Variants in SMYD4 observed in about 807,000 individuals in gnomAD.
SMYD4 encodes the protein protein-lysine N-methyltransferase SMYD4.
Under a neutral mutation model 72.8 loss-of-function variants are expected in SMYD4, and 68 were observed. That is an observed-to-expected ratio of 0.93 (90% CI 0.77 to 1.14). SMYD4 has a LOEUF of 1.14. Among genes scored for constraint, SMYD4 ranks in the 50% most tolerant of loss-of-function variants. The probability of loss-of-function intolerance (pLI) is 0.00; values close to 1 mark genes in which losing one functional copy is unlikely to be tolerated. For synonymous variants in SMYD4, 407 were observed against 388.6 expected, an observed-to-expected ratio of 1.05 and a Z score of -0.56; for missense variants, 984 against 1,003.7, an observed-to-expected ratio of 0.98 and a Z score of 0.27.
At chr17:1,799,482 G>A (rs111877466) in intron 5 of SMYD4, among the ~76,000 whole-genome samples, 26,846 of 150,784 alleles carry the variant, frequency 0.18, 2,468 homozygotes, top group Middle Eastern at 0.2. Flanking sequence ...TGATTCTCCT[G>A]TCTTAGCCTC....
At chr17:1,795,039 GT>G (rs1394176438) in intron 5 of SMYD4, among the ~76,000 whole-genome samples, 2 of 152,070 alleles carry the variant, frequency 1.3e-5, no homozygotes, top group Non-Finnish European at 2.9e-5. Flanking sequence ...TTTATCCAGG[GT>G]TTCTACATCT....
rs1423657456 is a variant in SMYD4, at chr17:1,779,801, C to T, written c.*1485G>A. 6.6e-6 allele frequency: 1 copy of T among 152,580 alleles called. No homozygotes were observed. Among genetic ancestry groups the T allele is most frequent in the East Asian group, 1.9e-4 (1 of 5,198 alleles). 9.5% of individuals were successfully genotyped at this position (152,580 alleles called of 1,614,324 possible). The stretch of plus-strand genomic sequence containing the variant: ...CGGTGTGTCTCTGGAGGTAAGCAGG[C>T]TTGCTGATTTCTTGTTTTATAATTC... On this transcript the variant is annotated 3_prime_UTR_variant, in exon 11 of 11. Coordinates refer to ENST00000305513, the MANE Select transcript of SMYD4 (RefSeq NM_052928.3).
intron 5 of SMYD4, among the ~76,000 whole-genome samples, chr17:1,795,405 C>CTGTATCTA (rs775843996): frequency 6.7e-6 from 1 of 148,830 alleles, no homozygotes; most frequent in Non-Finnish European, 1.5e-5. Context: ...ACGATCTCAG[C>CTGTATCTA]TCTATCTATC....
intron 4 of SMYD4, among the ~76,000 whole-genome samples, chr17:1,802,715 T>C (rs1027987643): frequency 6.6e-6 from 1 of 152,180 alleles, no homozygotes; most frequent in Non-Finnish European, 1.5e-5. Flanking sequence ...AGGGTATAAT[T>C]TGAATTTTTG....
At chr17:1,827,798 G>A in intron 2 of SMYD4, 63 bp downstream of exon 2, 1 of 1,557,782 alleles carries the variant, frequency 6.4e-7, no homozygotes, top group Non-Finnish European at 8.8e-7. Context: ...TTACTTCAGA[G>A]CAAATGACAA....
intron 5 of SMYD4, among the ~76,000 whole-genome samples, chr17:1,787,934 T>C (rs1007922247): frequency 3.3e-5 from 5 of 152,244 alleles, no homozygotes; most frequent in African/African-American, 1.2e-4. Context: ...AGTTTCATAA[T>C]GTTCTCACAT....
intron 2 of SMYD4, among the ~76,000 whole-genome samples, chr17:1,815,801 GC>G (rs1910563530): frequency 6.6e-6 from 1 of 151,690 alleles, no homozygotes; most frequent in Non-Finnish European, 1.5e-5. Flanking sequence ...CCGGGTTCAA[GC>G]GATTCTCCTG....
At chr17:1,795,141 A>G (rs1034022632) in intron 5 of SMYD4, among the ~76,000 whole-genome samples, 2 of 152,092 alleles carry the variant, frequency 1.3e-5, no homozygotes, top group African/African-American at 4.8e-5. Flanking sequence ...AGGCTGGAGC[A>G]GTTTACACAG....
chr17:1,784,558 A>C, intron 7 of SMYD4, 97 bp from the exon 8 acceptor site: 1 of 1,537,898 alleles, frequency 6.5e-7, no homozygotes, highest in Admixed American at 2.0e-5. Context: ...TTCTTACCTC[A>C]TGGGGGAAAG....
chr17:1,810,424 C>T (rs1910270560), intron 3 of SMYD4, among the ~76,000 whole-genome samples: 1 of 152,162 alleles, frequency 6.6e-6, no homozygotes, highest in South Asian at 2.1e-4. Flanking sequence ...GTAATCCCAG[C>T]TACTCAGGAG....
At chr17:1,813,037 C>T (rs986989423) in intron 2 of SMYD4, among the ~76,000 whole-genome samples, 1 of 151,862 alleles carries the variant, frequency 6.6e-6, no homozygotes, top group South Asian at 2.1e-4. Context: ...CTCCTGGGTT[C>T]AAGTGATTCT....
At chr17:1,824,921 G>A (rs1000178507) in intron 2 of SMYD4, among the ~76,000 whole-genome samples, 6 of 152,084 alleles carry the variant, frequency 3.9e-5, no homozygotes, top group African/African-American at 7.2e-5. Flanking sequence ...CACCGCGCCC[G>A]GTGAAATCTG....
chr17:1,818,065 A>AAAAAG (rs58026973), intron 2 of SMYD4, among the ~76,000 whole-genome samples: 1 of 150,674 alleles, frequency 6.6e-6, no homozygotes, highest in Non-Finnish European at 1.5e-5. Context: ...AAAAAAAAAA[A>AAAAAG]GTTGTTTACA....
chr17:1,795,191 TG>T (rs11307973), intron 5 of SMYD4, among the ~76,000 whole-genome samples: 113,803 of 151,880 alleles, frequency 0.75, 43,466 homozygotes, highest in Non-Finnish European at 0.81. Context: ...TTGTTCCCAG[TG>T]GGTGGGGTCT....
Position 1,800,709 on chromosome 17 carries a change from A to G in SMYD4, c.685T>C (p.Ser229Pro), listed in dbSNP as rs959900169. 1 of 1,614,170 alleles carries G rather than the reference A, an allele frequency of 6.2e-7. No individual in the cohort carries two copies. Among genetic ancestry groups the G allele is most frequent in the Non-Finnish European group, 8.5e-7 (1 of 1,180,038 alleles). Reference sequence around the variant, plus strand: ...AAGCCGATGGATGATGAGGCATTGGAAAGTTGTTCATTCTCCTCCCTCAGC... The same window carrying G: ...AAGCCGATGGATGATGAGGCATTGGGAAGTTGTTCATTCTCCTCCCTCAGC... Reference protein sequence around the residue: ...AALREENEQLSNASSSIGLCV... With the variant: ...AALREENEQLPNASSSIGLCV... Residue 229 changes from serine (S) to proline (P), a missense_variant, in exon 5 of 11, where the codon TCC becomes CCC. Physicochemically the swap from Ser to Pro is moderately conservative, Grantham distance 74. Transcript: ENST00000305513.
At chr17:1,783,684 G>C in intron 8 of SMYD4, 1 of 791,850 alleles carries the variant, frequency 1.3e-6, no homozygotes, top group Non-Finnish European at 1.9e-6. Flanking sequence ...CGCTAGGGGA[G>C]GCCTCCCCAC....
At chr17:1,784,532 A>C in intron 7 of SMYD4, 71 bp from the exon 8 acceptor site, 3 of 1,588,982 alleles carry the variant, frequency 1.9e-6, no homozygotes, top group Non-Finnish European at 2.6e-6. Context: ...CTTACATTAC[A>C]GGACTGCTCC....
intron 5 of SMYD4, among the ~76,000 whole-genome samples, chr17:1,794,217 C>G (rs1909273803): frequency 7.0e-6 from 1 of 142,802 alleles, no homozygotes; most frequent in African/African-American, 2.6e-5. Flanking sequence ...TCACGCCAGT[C>G]TCCTGCCTCA....
chr17:1,797,077 T>C (rs1257625576), intron 5 of SMYD4, among the ~76,000 whole-genome samples: 1 of 152,180 alleles, frequency 6.6e-6, no homozygotes, highest in Non-Finnish European at 1.5e-5. Flanking sequence ...ACATGTCTAC[T>C]GAGATACCTA....
Sources: gnomAD v4.1 joint callset for allele counts (sites outside exome capture counted in the v4.1 genomes callset) on GRCh38, gnomAD v4.1.1 for gene constraint, MANE v1.5 for transcripts, NCBI Gene and HGNC (gene_info 2026-07-23, HGNC 2026-07-21) for gene names.